ODF2L: variants seen among roughly 807,000 people sequenced by gnomAD.
The protein encoded by ODF2L is protein BCAP.
ODF2L carries 76 observed loss-of-function variants against 86.3 expected under a neutral mutation model. The observed-to-expected ratio is 0.88, with a 90% CI of 0.73 to 1.07. ODF2L has a LOEUF of 1.07. Ranked by LOEUF, ODF2L falls within the 50% of genes least tolerant of loss-of-function variation. The probability of loss-of-function intolerance (pLI) is 0.00; values close to 1 mark genes in which losing one functional copy is unlikely to be tolerated. For synonymous variants in ODF2L, 241 were observed against 231.3 expected, an observed-to-expected ratio of 1.04 and a Z score of -0.38; for missense variants, 748 against 717.4, an observed-to-expected ratio of 1.04 and a Z score of -0.49.
At chr1:86,348,634 T>G, downstream of ODF2L, 1 of 945,450 alleles carries the variant, frequency 1.1e-6, no homozygotes. Context: ...TAAAAACCTC[T>G]AATACTACCA....
intron 16 of ODF2L, 113 bp downstream of exon 15, chr1:86,354,417 C>A: frequency 1.5e-6 from 1 of 649,514 alleles, no homozygotes; most frequent in Non-Finnish European, 2.7e-6. Flanking sequence ...AATGTAATTG[C>A]TCCCTTCACC....
intron 10 of ODF2L, among the ~76,000 whole-genome samples, chr1:86,369,931 C>T (rs1048576252): frequency 6.6e-6 from 1 of 152,042 alleles, no homozygotes; most frequent in African/African-American, 2.4e-5. Flanking sequence ...GCCTGGAATG[C>T]TATCATTTTA....
At chr1:86,379,016 C>A (rs537278831) in intron 7 of ODF2L, among the ~76,000 whole-genome samples, 10 of 151,950 alleles carry the variant, frequency 6.6e-5, no homozygotes, top group Admixed American at 6.5e-4. Context: ...TGAGTTCTTG[C>A]GAAATCAGGT....
chr1:86,390,544 A>G (rs781373297), intron 1 of ODF2L, among the ~76,000 whole-genome samples: 1 of 152,230 alleles, frequency 6.6e-6, no homozygotes, highest in Non-Finnish European at 1.5e-5. Flanking sequence ...AAGTCAATAA[A>G]TGTGATACAC....
At chr1:86,370,370 A>G (rs771669688) in intron 10 of ODF2L, among the ~76,000 whole-genome samples, 1 of 152,142 alleles carries the variant, frequency 6.6e-6, no homozygotes, top group Non-Finnish European at 1.5e-5. Flanking sequence ...AAGTTTCTCT[A>G]AAATGTACTC....
chr1:86,382,970 G>GGCCT lies in ODF2L; in HGVS notation c.464_467dup (p.His157GlyfsTer13). ...ACAAACAAGAAAGTTCTTGGATATG[G>GGCCT]GCCTCCTTTTCAAATACCTTCTTCT... On this transcript the variant is annotated frameshift_variant, in exon 6 of 18. Transcript: ENST00000317336. LOFTEE classifies it high-confidence loss of function. The GGCCT allele has an allele frequency of 6.4e-7, 1 of 1,570,532 alleles. No individual in the cohort carries two copies. The highest frequency in any genetic ancestry group is 1.4e-5 in the African/African-American group (1 of 74,024).
chr1:86,367,113 T>C (rs149794703), intron 11 of ODF2L, among the ~76,000 whole-genome samples: 2 of 152,244 alleles, frequency 1.3e-5, no homozygotes, highest in African/African-American at 2.4e-5. Flanking sequence ...GAGGAACAAG[T>C]ATCAGAATGG....
At chr1:86,355,321 C>A in intron 14 of ODF2L, 2 of 1,472,520 alleles carry the variant, frequency 1.4e-6, no homozygotes, top group Admixed American at 2.0e-5. Context: ...GCAAAGTGAA[C>A]AAATCAACCA....
chr1:86,372,969 A>C (rs1659909120), intron 8 of ODF2L, among the ~76,000 whole-genome samples: 1 of 152,102 alleles, frequency 6.6e-6, no homozygotes. Flanking sequence ...ACTAGGGAGA[A>C]GGGAGGGAGG....
At chr1:86,348,970 C>A (rs1003937378), downstream of ODF2L, 2 of 1,275,582 alleles carry the variant, frequency 1.6e-6, no homozygotes, top group African/African-American at 1.6e-5. Context: ...TATACAATAA[C>A]TAGATAATTC....
chr1:86,387,803 A>T (rs951859715), intron 1 of ODF2L, among the ~76,000 whole-genome samples: 2 of 152,144 alleles, frequency 1.3e-5, no homozygotes, highest in Non-Finnish European at 2.9e-5. Flanking sequence ...AATATGTGGT[A>T]ATGTCTTCCC....
At chr1:86,363,627 C>T (rs1659195289) in intron 11 of ODF2L, among the ~76,000 whole-genome samples, 1 of 151,392 alleles carries the variant, frequency 6.6e-6, no homozygotes, top group Non-Finnish European at 1.5e-5. Flanking sequence ...TTTTTATTTA[C>T]AATAGTAAAA....
intron 1 of ODF2L, among the ~76,000 whole-genome samples, chr1:86,393,057 T>TC (rs774289424): frequency 1.6e-4 from 24 of 152,184 alleles, no homozygotes; most frequent in Non-Finnish European, 1.9e-4. Context: ...GGGACCATGA[T>TC]GCTAGCCATG....
intron 3 of ODF2L, 97 bp downstream of exon 3, chr1:86,385,361 T>C (rs1660871296): frequency 1.5e-6 from 1 of 678,924 alleles, no homozygotes; most frequent in African/African-American, 1.8e-5. Context: ...GAAATACTCA[T>C]AAGTGAGCAT....
downstream of ODF2L, chr1:86,348,498 C>A: frequency 4.9e-6 from 1 of 205,014 alleles, no homozygotes; most frequent in South Asian, 1.6e-4. Context: ...AATATTCTAA[C>A]AACCAATTTA....
intron 10 of ODF2L, among the ~76,000 whole-genome samples, chr1:86,368,911 A>G (rs1306832360): frequency 1.3e-5 from 2 of 152,168 alleles, no homozygotes; most frequent in African/African-American, 2.4e-5. Context: ...TGTTATATAC[A>G]TAAATCTGTT....
At chr1:86,359,976 A>G (rs1658916126) in intron 12 of ODF2L, among the ~76,000 whole-genome samples, 1 of 152,190 alleles carries the variant, frequency 6.6e-6, no homozygotes, top group African/African-American at 2.4e-5. Context: ...GGTCTATTTC[A>G]TATATATTGT....
chr1:86,394,357 A>C (rs1256013180), intron 1 of ODF2L, among the ~76,000 whole-genome samples: 1 of 150,942 alleles, frequency 6.6e-6, no homozygotes, highest in Non-Finnish European at 1.5e-5. Flanking sequence ...CGGACGTTGC[A>C]GTGAGCCGAG....
chr1:86,385,800 T>C (rs898330008), intron 2 of ODF2L: 3 of 400,784 alleles, frequency 7.5e-6, no homozygotes, highest in African/African-American at 4.1e-5. Context: ...CAAAAGTTAT[T>C]TGGATTAAAG....
Sources: allele counts gnomAD v4.1 joint callset (sites outside exome capture counted in the v4.1 genomes callset), GRCh38; gene constraint gnomAD v4.1.1; transcripts MANE v1.5; gene names NCBI Gene and HGNC (gene_info 2026-07-23, HGNC 2026-07-21).